The following MTRF1L variants were observed in gnomAD, a reference collection of about 807,000 sequenced individuals.
MTRF1L encodes the protein mitochondrial translation release factor 1 like.
Under a neutral mutation model 40.0 loss-of-function variants are expected in MTRF1L, and 29 were observed. The ratio of observed to expected loss-of-function variants is 0.73; its 90% confidence interval spans 0.54 to 0.99. The LOEUF (loss-of-function observed/expected upper bound fraction) is 0.99, where lower values mean the gene tolerates loss of function less well. MTRF1L is among the 50% of genes least tolerant of loss of function. The pLI is 0.00. For missense variants in MTRF1L, 412 were observed against 464.5 expected (o/e 0.89, Z 1.04); for synonymous variants, 150 against 175.8 (o/e 0.85, Z 1.16).
chr6:152,989,957 G>A lies in MTRF1L; in HGVS notation c.1081C>T (p.Gln361Ter), dbSNP rs1778445894. The A allele has an allele frequency of 6.2e-7, 1 of 1,613,542 alleles. No individual in the cohort carries two copies. The highest frequency in any genetic ancestry group is 8.5e-7 in the Non-Finnish European group (1 of 1,179,838). Residue 361 changes from glutamine to a stop codon, truncating the protein, a stop_gained, in exon 7 of 7, where the codon CAG (glutamine) becomes TAG (stop). Coordinates refer to ENST00000367233, the MANE Select transcript of MTRF1L (RefSeq NM_019041.7). LOFTEE classifies it high-confidence loss of function. ...TAATCGGCGTATTCCTTCAATGACT[G>A]TACAAGTTCATCCAGTAGATAATCT... The part of the protein sequence containing the change: ...QGDYLLDELV[Q>*]SLKEYADYES...
chr6:152,995,343 C>G (rs1251260950), intron 2 of MTRF1L, 24 bp from the exon 3 acceptor site: 1 of 1,496,690 alleles, frequency 6.7e-7, no homozygotes, highest in African/African-American at 1.4e-5. Context: ...AATATCACCC[C>G]TCCTATAATT....
At chr6:153,001,256 G>GT (rs1241563311) in intron 1 of MTRF1L, among the ~76,000 whole-genome samples, 2 of 152,040 alleles carry the variant, frequency 1.3e-5, no homozygotes, top group Non-Finnish European at 2.9e-5. Context: ...AGCTCTGGCT[G>GT]TTTTTTTCTT....
At position 152,995,006 on chromosome 6, in the gene MTRF1L, A is replaced by T. The variant is rs887038436; in HGVS notation, c.523+130T>A. 17 of 904,982 alleles carry T rather than the reference A, an allele frequency of 1.9e-5. No individual in the cohort carries two copies. The African/African-American group carries it at 2.7e-4, about 14-fold the overall frequency. 56.1% of individuals were successfully genotyped at this position (904,982 alleles called of 1,614,324 possible). A position where few individuals can be genotyped will look rare whatever the true frequency, so the allele number is the denominator to read the frequency against. On this transcript the variant is annotated intron_variant, in intron 3 of 6. Coordinates refer to ENST00000367233, the MANE Select transcript of MTRF1L (RefSeq NM_019041.7). ...CTCAAAATTACTGTATGTGCATTCA[A>T]ATTTATTAGGTAAATGATGAGCATA...
chr6:152,995,638 T>C (rs1242202959), intron 2 of MTRF1L, among the ~76,000 whole-genome samples: 1 of 152,162 alleles, frequency 6.6e-6, no homozygotes, highest in Admixed American at 6.5e-5. Context: ...CTTGCTCTGA[T>C]TCGGAGATTA....
rs74332205 is a variant in MTRF1L at position 152,997,180 on chromosome 6, G to T, written c.339+1370C>A. Among the ~76,000 whole-genome samples the T allele has an allele frequency of 8.8e-3, 1,338 of 152,288 alleles. 17 individuals are homozygous for T. The highest frequency in any genetic ancestry group is 0.031 in the African/African-American group (1,272 of 41,562). On this transcript the variant is annotated intron_variant, in intron 2 of 6. Coordinates refer to ENST00000367233, the MANE Select transcript of MTRF1L (RefSeq NM_019041.7). The stretch of plus-strand genomic sequence containing the variant: ...TCATTTTAAGTAGAGACAAGATGAT[G>T]TTGAAGAAGAAGTCCACAGTGGCAG...
rs183508353 is a variant in MTRF1L at position 152,992,722 on chromosome 6, A to G, written c.805+135T>C. ...GGAGTATCAGGTAAGGATTCTAAGT[A>G]AATCAAATATTTAATAACAATCCTT... On this transcript the variant is annotated intron_variant, in intron 5 of 6. Transcript: ENST00000367233. The G allele has an allele frequency of 3.4e-4, 225 of 664,706 alleles. 1 individual carries two copies. In the Admixed American group the frequency reaches 5.6e-3, roughly 16 times the overall value. The allele number at this position is 664,706 out of a possible 1,614,324, so 41.2% of individuals were successfully genotyped here. A position where few individuals can be genotyped will look rare whatever the true frequency, so the allele number is the denominator to read the frequency against.
At chr6:152,998,137 T>C (rs114871345) in intron 2 of MTRF1L, among the ~76,000 whole-genome samples, 186 of 145,056 alleles carry the variant, frequency 1.3e-3, no homozygotes, top group African/African-American at 4.5e-3. Context: ...TTCTGCCCCA[T>C]GTCTACCTCC....
At chr6:152,991,099 A>G in intron 6 of MTRF1L, 86 bp downstream of exon 6, 1 of 913,896 alleles carries the variant, frequency 1.1e-6, no homozygotes, top group Non-Finnish European at 1.6e-6. Flanking sequence ...TAAAACAAAT[A>G]TATAAAAACC....
chr6:152,995,946 G>A (rs1352760647), intron 2 of MTRF1L, among the ~76,000 whole-genome samples: 7 of 152,282 alleles, frequency 4.6e-5, no homozygotes, highest in African/African-American at 1.7e-4. Flanking sequence ...GCCTAGATCA[G>A]TCTTCCCTCC....
At chr6:152,996,916 C>T (rs1467519790) in intron 2 of MTRF1L, among the ~76,000 whole-genome samples, 1 of 152,088 alleles carries the variant, frequency 6.6e-6, no homozygotes, top group Non-Finnish European at 1.5e-5. Context: ...TATTTTGTAA[C>T]AAAATAAACT....
chr6:153,001,463 T>C (rs201815259), intron 1 of MTRF1L, among the ~76,000 whole-genome samples: 1 of 152,354 alleles, frequency 6.6e-6, no homozygotes, highest in East Asian at 1.9e-4. Context: ...CAGTAATTTT[T>C]TCTCCTAGAC....
Position 153,000,864 on chromosome 6 carries a change from C to T in MTRF1L, c.259+1563G>A, listed in dbSNP as rs551303541. 2.9e-5 allele frequency among the ~76,000 whole-genome samples: 4 copies of T among 136,410 alleles called. No individual in the cohort carries two copies. In the South Asian group the frequency reaches 7.0e-4, roughly 24 times the overall value. The allele number at this position is 136,410 out of a possible 152,430, so 89.5% of individuals were successfully genotyped here. On this transcript the variant is annotated intron_variant, in intron 1 of 6. Coordinates refer to ENST00000367233, the MANE Select transcript of MTRF1L (RefSeq NM_019041.7). Reference sequence around the variant, plus strand: ...TTTTACCTTTCTATGTCAGGTACTACGGATTTTTTTTTTTTTTTTTTTTTT... The same window carrying T: ...TTTTACCTTTCTATGTCAGGTACTATGGATTTTTTTTTTTTTTTTTTTTTT...
At chr6:152,990,326 T>C (rs901476773) in intron 6 of MTRF1L, 6 of 599,004 alleles carry the variant, frequency 1.0e-5, no homozygotes, top group African/African-American at 5.6e-5. Flanking sequence ...CAATGTTCTA[T>C]GACCTCGGGC....
At position 152,989,833 on chromosome 6, in the gene MTRF1L, C is replaced by T. The variant is rs1384124930; in HGVS notation, c.*62G>A. 9 of 1,512,074 alleles carry T rather than the reference C, an allele frequency of 6.0e-6. No homozygotes were observed. The highest frequency in any genetic ancestry group is 2.3e-5 in the East Asian group (1 of 44,264). The allele number at this position is 1,512,074 out of a possible 1,614,324, so 93.7% of individuals were successfully genotyped here. ...TTTCAAGAGAGTAAGGGTACTTTCA[C>T]CCTATGTGGATGTACTGTAGAATTT... On this transcript the variant is annotated 3_prime_UTR_variant, in exon 7 of 7. Transcript: ENST00000367233.
intron 2 of MTRF1L, 70 bp downstream of exon 2, chr6:152,998,480 T>A: frequency 8.3e-7 from 1 of 1,206,962 alleles, no homozygotes; most frequent in Non-Finnish European, 1.1e-6. Context: ...CACTTGTTTT[T>A]ATAAACCTTT....
At chr6:152,990,804 A>AC (rs1778482940) in intron 6 of MTRF1L, among the ~76,000 whole-genome samples, 1 of 152,208 alleles carries the variant, frequency 6.6e-6, no homozygotes, top group African/African-American at 2.4e-5. Context: ...AGCCTGGGTG[A>AC]CAAGAGCGGA....
chr6:152,996,644 C>T (rs560561179), intron 2 of MTRF1L, among the ~76,000 whole-genome samples: 1 of 152,302 alleles, frequency 6.6e-6, no homozygotes, highest in East Asian at 1.9e-4. Context: ...TAATTGCTGT[C>T]AACCTTTAGT....
intron 1 of MTRF1L, 165 bp from the exon 2 acceptor site, chr6:152,998,794 C>T (rs1345484639): frequency 1.0e-5 from 4 of 392,962 alleles, no homozygotes; most frequent in Non-Finnish European, 1.8e-5. Flanking sequence ...AATAAATGTC[C>T]TTTCAATCAA....
Position 152,992,880 on chromosome 6 carries a change from A to T in MTRF1L, c.782T>A (p.Val261Asp), listed in dbSNP as rs1344596050. Residue 261 changes from valine to aspartate, a missense_variant, in exon 5 of 7, where the codon GTC (valine) becomes GAC (aspartate). Transcript: ENST00000367233. ...ACCTGTTGGAAGATGAACTATCCGG[A>T]CAGCACTGTCCGTGGTATTTACATG... The part of the protein sequence containing the change: ...GQHVNTTDSA[V>D]RIVHLPTGVV... 1 of 1,612,016 alleles carries T rather than the reference A, an allele frequency of 6.2e-7. No individual in the cohort carries two copies. Among genetic ancestry groups the T allele is most frequent in the Admixed American group, 1.7e-5 (1 of 60,002 alleles).
Sources: allele counts gnomAD v4.1 joint callset (sites outside exome capture counted in the v4.1 genomes callset), GRCh38; gene constraint gnomAD v4.1.1; transcripts MANE v1.5; gene names NCBI Gene and HGNC (gene_info 2026-07-23, HGNC 2026-07-21).